XPC: variants seen among roughly 807,000 people sequenced by gnomAD.
XPC encodes DNA repair protein complementing XP-C cells.
Under a neutral mutation model 95.8 loss-of-function variants are expected in XPC, and 76 were observed. That is an observed-to-expected ratio of 0.79 (90% CI 0.66 to 0.96). The LOEUF is 0.96. Among genes scored for constraint, XPC ranks in the 40% least tolerant of loss-of-function variants. The probability of loss-of-function intolerance (pLI) is 0.00; values close to 1 mark genes in which losing one functional copy is unlikely to be tolerated. For missense variants in XPC, 1,146 were observed against 1,179.8 expected (o/e 0.97, Z 0.42); for synonymous variants, 442 against 442.1 (o/e 1.00, Z 0.00).
At position 14,178,589 on chromosome 3, in the gene XPC, C is replaced by A. The variant is rs1428785676; in HGVS notation, c.-21G>T. The A allele has an allele frequency of 1.2e-6, 2 of 1,612,360 alleles. No individual in the cohort carries two copies. The highest frequency in any genetic ancestry group is 3.3e-5 in the Admixed American group (2 of 59,994). ...GCCATGTTGCTTGTCTGGGCAAATTCCACTTCGCGAGTGACGCACCCGGCC... is the reference window on the plus strand; with the variant it reads ...GCCATGTTGCTTGTCTGGGCAAATTACACTTCGCGAGTGACGCACCCGGCC... On this transcript the variant is annotated 5_prime_UTR_variant, in exon 1 of 16. Transcript: ENST00000285021.
Position 14,145,810 on chromosome 3 carries a change from T to A in XPC, c.*131A>T. On this transcript the variant is annotated 3_prime_UTR_variant, in exon 16 of 16. Coordinates refer to ENST00000285021, the MANE Select transcript of XPC (RefSeq NM_004628.5). ...CTCGTCTCCCCTGACCCCGCCTCCG[T>A]GCATGCTGCCTCAGTTTGCCTTCTC... 8.6e-7 allele frequency: 1 copy of A among 1,167,490 alleles called. No individual in the cohort carries two copies. The highest frequency in any genetic ancestry group is 1.5e-5 in the African/African-American group (1 of 65,526). The allele number at this position is 1,167,490 out of a possible 1,614,324, so 72.3% of individuals were successfully genotyped here. A position where few individuals can be genotyped will look rare whatever the true frequency, so the allele number is the denominator to read the frequency against.
At position 14,170,502 on chromosome 3, in the gene XPC, A is replaced by G; in HGVS notation, c.348T>C (p.Ala116=). ...CTTCATTGCTGTCTTCATTCATGGT[A>G]GCCCCTCTCTTCAGATGGTGTGCCT... ...LKKAHHLKRG[A]TMNEDSNEEE... Residue 116 remains alanine, a synonymous_variant, in exon 3 of 16, where the codon GCT becomes GCC. Transcript: ENST00000285021. 6.2e-7 allele frequency: 1 copy of G among 1,613,830 alleles called. No homozygotes were observed. Among genetic ancestry groups the G allele is most frequent in the South Asian group, 1.1e-5 (1 of 91,070 alleles).
rs994109003 is a variant in XPC, at chr3:14,170,020, C to T, written c.412+418G>A. Among the ~76,000 whole-genome samples, 12 of 152,356 alleles carry T rather than the reference C, an allele frequency of 7.9e-5. 1 individual carries two copies. The highest frequency in any genetic ancestry group is 6.8e-3 in the Middle Eastern group (2 of 294). ...CAGCCTATACTGTGAATGGCTCACA[C>T]TAAACATTCAGTGTTTACAGAGTGT... is the stretch of plus-strand genomic sequence containing the variant. On this transcript the variant is annotated intron_variant, in intron 3 of 15. Coordinates refer to ENST00000285021, the MANE Select transcript of XPC (RefSeq NM_004628.5).
chr3:14,170,386 CA>C, intron 3 of XPC, 51 bp downstream of exon 3: 1 of 1,569,188 alleles, frequency 6.4e-7, no homozygotes, highest in Non-Finnish European at 8.8e-7. Flanking sequence ...CAGAATCAAA[CA>C]AAAAAACAAA....
chr3:14,175,800 A>G (rs1696791837), intron 1 of XPC, among the ~76,000 whole-genome samples: 1 of 152,184 alleles, frequency 6.6e-6, no homozygotes, highest in African/African-American at 2.4e-5. Flanking sequence ...ACTGACAGTC[A>G]CCAAATTATT....
intron 5 of XPC, among the ~76,000 whole-genome samples, chr3:14,166,672 C>G (rs1205717847): frequency 2.0e-5 from 3 of 152,216 alleles, no homozygotes; most frequent in Non-Finnish European, 4.4e-5. Context: ...CAGAGCCACG[C>G]TGATCTCTTT....
intron 14 of XPC, chr3:14,147,621 A>C (rs1457574782): frequency 1.2e-5 from 7 of 602,566 alleles, no homozygotes; most frequent in Non-Finnish European, 2.0e-5. Context: ...TTAGTGGGTG[A>C]GGTCTTCCAG....
intron 8 of XPC, among the ~76,000 whole-genome samples, chr3:14,159,127 A>C (rs1357263428): frequency 1.3e-5 from 2 of 152,160 alleles, no homozygotes; most frequent in Non-Finnish European, 2.9e-5. Flanking sequence ...CCTAACTGTA[A>C]AGAGAAAAGA....
chr3:14,147,998 A>G lies in XPC; in HGVS notation c.2424T>C (p.Thr808=), dbSNP rs1695515058. 1.3e-6 allele frequency: 2 copies of G among 1,580,968 alleles called. No individual in the cohort carries two copies. Among genetic ancestry groups the G allele is most frequent in the Non-Finnish European group, 1.7e-6 (2 of 1,161,562 alleles). The change falls in exon 14 of 16, where the codon ACT becomes ACC. Residue 808 remains threonine, a synonymous_variant. Coordinates refer to ENST00000285021, the MANE Select transcript of XPC (RefSeq NM_004628.5). Reference sequence around the variant, plus strand: ...ATTCCTCGCAGACGATGTATCCATCAGTCCTGTGGGGACACAACGCGATGT... The same window carrying G: ...ATTCCTCGCAGACGATGTATCCATCGGTCCTGTGGGGACACAACGCGATGT... ...DFHGGYSHPV[T]DGYIVCEEFK... is the part of the protein sequence containing the mutation.
intron 7 of XPC, among the ~76,000 whole-genome samples, chr3:14,160,591 C>T (rs760984647): frequency 8.5e-5 from 13 of 152,176 alleles, no homozygotes; most frequent in Non-Finnish European, 1.3e-4. Flanking sequence ...TAAAAATTTC[C>T]AAAGTGTCAA....
chr3:14,158,016 A>T lies in XPC; in HGVS notation c.1867T>A (p.Leu623Met). The change falls in exon 9 of 16, where the codon TTG becomes ATG. Residue 623 changes from leucine (L) to methionine (M), a missense_variant. Coordinates refer to ENST00000285021, the MANE Select transcript of XPC (RefSeq NM_004628.5). This position sits in a 1 kb window ranked among gnomAD's most constrained non-coding sequence, Gnocchi z 5.2. ...CCTGGCAGCCAAGGCCTTACCTCCA[A>T]GTCTTCTTTCTTCTCCCTGTCCATA... ...PFMDREKKED[L>M]EFQAKHMDQP... The T allele has an allele frequency of 6.3e-7, 1 of 1,596,748 alleles. No individual in the cohort carries two copies. Among genetic ancestry groups the T allele is most frequent in the Non-Finnish European group, 8.6e-7 (1 of 1,166,464 alleles).
intron 10 of XPC, 192 bp from the exon 11 acceptor site, chr3:14,152,608 G>C: frequency 1.9e-6 from 1 of 534,314 alleles, no homozygotes; most frequent in South Asian, 2.6e-5. Context: ...TGTCTTTTGG[G>C]GGATGTGTCC....
intron 5 of XPC, chr3:14,165,875 G>A (rs775985769): frequency 5.8e-5 from 20 of 346,910 alleles, no homozygotes; most frequent in Non-Finnish European, 1.0e-4. Flanking sequence ...TTGTCTTTCA[G>A]AGATACATAC....
rs773516763 is a variant in XPC at position 14,158,620 on chromosome 3, C to T, written c.1263G>A (p.Glu421=). The part of the protein sequence containing the change: ...KATQRRPHGR[E]RRVASRVSYK... ...AAGACACCCTGGAGGCCACCCGCCGCTCCCGGCCATGCGGACGTCGCTGGG... is the reference window on the plus strand; with the variant it reads ...AAGACACCCTGGAGGCCACCCGCCGTTCCCGGCCATGCGGACGTCGCTGGG... The change falls in exon 9 of 16, where the codon GAG becomes GAA. Residue 421 remains glutamate, a synonymous_variant. Transcript: ENST00000285021. The surrounding 1 kb of genome is among the most constrained non-coding windows in gnomAD (Gnocchi z 5.2). 8.1e-6 allele frequency: 13 copies of T among 1,613,894 alleles called. No homozygotes were observed. The South Asian group carries it at 8.8e-5, about 11-fold the overall frequency.
chr3:14,150,537 C>G (rs1165899027), intron 11 of XPC, among the ~76,000 whole-genome samples: 2 of 152,210 alleles, frequency 1.3e-5, no homozygotes, highest in East Asian at 3.9e-4. Flanking sequence ...TCACCCAGCA[C>G]ACTGTTCAGT....
intron 11 of XPC, among the ~76,000 whole-genome samples, chr3:14,150,756 CA>C (rs1695655284): frequency 6.6e-6 from 1 of 152,208 alleles, no homozygotes; most frequent in African/African-American, 2.4e-5. Context: ...AAAGGCTGCT[CA>C]AAACAGGTCC....
intron 15 of XPC, among the ~76,000 whole-genome samples, chr3:14,146,869 A>G (rs1298730698): frequency 6.6e-6 from 1 of 152,166 alleles, no homozygotes; most frequent in Non-Finnish European, 1.5e-5. Context: ...ACCTGTGTCC[A>G]AGCCTGGCCT....
chr3:14,148,682 A>T lies in XPC; in HGVS notation c.2300T>A (p.Met767Lys), dbSNP rs1190059509. 6 of 1,614,044 alleles carry T rather than the reference A, an allele frequency of 3.7e-6. No homozygotes were observed. Among genetic ancestry groups the T allele is most frequent in the Non-Finnish European group, 5.1e-6 (6 of 1,179,902 alleles). Residue 767 changes from methionine (M) to lysine (K), a missense_variant, in exon 13 of 16, where the codon ATG becomes AAG. Met to Lys is a moderately conservative substitution (Grantham distance 95). Coordinates refer to ENST00000285021, the MANE Select transcript of XPC (RefSeq NM_004628.5). ...GNVYLFLPSM[M>K]PIGCVQLNLP... is the part of the protein sequence containing the mutation. ...GTTCAGCTGGACACAGCCAATAGGC[A>T]TCATGCTGGGCAGGAAGAGGTACAC...
At position 14,168,315 on chromosome 3, in the gene XPC, C is replaced by A. The variant is rs587778763; in HGVS notation, c.478G>T (p.Val160Leu). 17 of 1,613,828 alleles carry A rather than the reference C, an allele frequency of 1.1e-5. No homozygotes were observed. The Admixed American group carries it at 2.8e-4, about 27-fold the overall frequency. Residue 160 changes from valine to leucine, a missense_variant, in exon 4 of 16, where the codon GTG becomes TTG. By Grantham distance (32) the Val-to-Leu change is conservative. Coordinates refer to ENST00000285021, the MANE Select transcript of XPC (RefSeq NM_004628.5). ...TCAATCTCTATCTCCACTGGCTTCA[C>A]AGGCAGAAGAGATCGAGAGAAGGCT... ...STAFSRSLLPVKPVEIEIETP... is the reference protein window; with the variant it reads ...STAFSRSLLPLKPVEIEIETP...
Sources: allele counts gnomAD v4.1 joint callset (sites outside exome capture counted in the v4.1 genomes callset), GRCh38; gene constraint gnomAD v4.1.1; non-coding constraint Gnocchi (gnomAD v3.1); transcripts MANE v1.5; gene names NCBI Gene and HGNC (gene_info 2026-07-23, HGNC 2026-07-21).